Variants in MAP2 observed in about 807,000 individuals in gnomAD.
The protein encoded by MAP2 is microtubule associated protein 2, also known as microtubule-associated protein 2.
In MAP2, 14 loss-of-function variants were observed where a neutral mutation model predicts 137.6. That is an observed-to-expected ratio of 0.10 (90% CI 0.07 to 0.16). The LOEUF (loss-of-function observed/expected upper bound fraction) is 0.16, where lower values mean the gene tolerates loss of function less well. Among genes scored for constraint, MAP2 ranks in the 10% least tolerant of loss-of-function variants. The pLI, the probability that MAP2 is intolerant of heterozygous loss-of-function variation, is 1.00. For synonymous variants in MAP2, 786 were observed against 782.3 expected (o/e 1.00, Z -0.08); for missense variants, 2,088 against 2,191.5 (o/e 0.95, Z 0.94).
chr2:209,499,731 C>T (rs1190254820), intron 1 of MAP2, among the ~76,000 whole-genome samples: 1 of 152,102 alleles, frequency 6.6e-6, no homozygotes, highest in Non-Finnish European at 1.5e-5. Flanking sequence ...GCAGGCACTT[C>T]ACATGGTGAA....
intron 10 of MAP2, among the ~76,000 whole-genome samples, chr2:209,699,193 T>G (rs1328959472): frequency 6.6e-6 from 1 of 152,186 alleles, no homozygotes; most frequent in Non-Finnish European, 1.5e-5. Flanking sequence ...CACTGCTTCC[T>G]TAAAAACAAT....
chr2:209,580,825 A>G lies in MAP2; in HGVS notation c.-107+725A>G, dbSNP rs141798316. Among the ~76,000 whole-genome samples, 781 of 152,320 alleles carry G rather than the reference A, an allele frequency of 5.1e-3. 8 individuals are homozygous for G. The highest frequency in any genetic ancestry group is 0.018 in the African/African-American group (745 of 41,578). ...GGATATATATTGATTTGAGATGGCA[A>G]TTATGGATATTACCTTTTCTTTAAG... On this transcript the variant is annotated intron_variant, in intron 3 of 15. Coordinates refer to ENST00000682079, the MANE Select transcript of MAP2 (RefSeq NM_001375505.1).
intron 3 of MAP2, among the ~76,000 whole-genome samples, chr2:209,598,565 A>G (rs2082033852): frequency 6.7e-6 from 1 of 148,514 alleles, no homozygotes. Flanking sequence ...GTCATCTAGC[A>G]TTAGGTATAT....
At chr2:209,619,457 A>C (rs923194643) in intron 3 of MAP2, among the ~76,000 whole-genome samples, 3 of 152,108 alleles carry the variant, frequency 2.0e-5, no homozygotes, top group Non-Finnish European at 4.4e-5. Flanking sequence ...TGCAACTTAG[A>C]GACAAATGAA....
intron 4 of MAP2, among the ~76,000 whole-genome samples, chr2:209,641,065 T>G (rs1010670100): frequency 6.6e-6 from 1 of 152,064 alleles, no homozygotes; most frequent in African/African-American, 2.4e-5. Flanking sequence ...AAGTACTGAT[T>G]GTTATTTTTA....
intron 1 of MAP2, among the ~76,000 whole-genome samples, chr2:209,490,285 T>C (rs955845086): frequency 6.6e-6 from 1 of 151,948 alleles, no homozygotes; most frequent in Non-Finnish European, 1.5e-5. Context: ...AAGCGCTAAA[T>C]GTAGCAAGGA....
chr2:209,684,702 A>T (rs1273976394), intron 7 of MAP2: 1 of 152,204 alleles, frequency 6.6e-6, no homozygotes, highest in South Asian at 2.1e-4. Context: ...GCAGAAAACT[A>T]TGCAAAAGTC....
In MAP2 at chr2:209,694,837, A is replaced by G. The variant is rs1458250751; in HGVS notation, c.2667A>G (p.Leu889=). The G allele has an allele frequency of 1.9e-6, 3 of 1,614,078 alleles. No individual in the cohort carries two copies. The East Asian group carries it at 6.7e-5, about 36-fold the overall frequency. ...LPSPVQDSEN[L]SGESGTFYEG... Reference sequence around the variant, plus strand: ...CACCTGTTCAAGACAGTGAGAATTTATCAGGGGAGAGTGGTACCTTTTACG... The same window carrying G: ...CACCTGTTCAAGACAGTGAGAATTTGTCAGGGGAGAGTGGTACCTTTTACG... Residue 889 remains leucine (L), a synonymous_variant, in exon 8 of 16, where the codon TTA becomes TTG. Transcript: ENST00000682079.
At chr2:209,484,130 A>T (rs562277464) in intron 1 of MAP2, among the ~76,000 whole-genome samples, 1 of 152,206 alleles carries the variant, frequency 6.6e-6, no homozygotes, top group African/African-American at 2.4e-5. Flanking sequence ...TAAGAACAAT[A>T]TAAAGAAAAT....
chr2:209,635,418 GA>G (rs773911199), intron 4 of MAP2, among the ~76,000 whole-genome samples: 1 of 152,006 alleles, frequency 6.6e-6, no homozygotes, highest in Non-Finnish European at 1.5e-5. Flanking sequence ...AATTATAATA[GA>G]AAAAAACCCT....
At chr2:209,667,323 G>GT (rs992965599) in intron 5 of MAP2, among the ~76,000 whole-genome samples, 14 of 151,708 alleles carry the variant, frequency 9.2e-5, no homozygotes, top group African/African-American at 2.2e-4. Context: ...TACTTTTACA[G>GT]TTTTTTTTAA....
chr2:209,538,080 T>C (rs1019932962), intron 2 of MAP2, among the ~76,000 whole-genome samples: 1 of 152,200 alleles, frequency 6.6e-6, no homozygotes, highest in African/African-American at 2.4e-5. Flanking sequence ...ATTTTGATCA[T>C]ACATGCACAC....
At chr2:209,580,476 A>T (rs1377773765) in intron 3 of MAP2, among the ~76,000 whole-genome samples, 1 of 152,180 alleles carries the variant, frequency 6.6e-6, no homozygotes, top group African/African-American at 2.4e-5. Flanking sequence ...AATCCTGCTA[A>T]GTGATTTATT....
At chr2:209,536,995 TC>T (rs2066053658) in intron 2 of MAP2, among the ~76,000 whole-genome samples, 1 of 152,178 alleles carries the variant, frequency 6.6e-6, no homozygotes. Context: ...AGGATTTTTT[TC>T]TAAGTGGCCC....
chr2:209,509,025 A>G (rs929891201), intron 2 of MAP2, among the ~76,000 whole-genome samples: 1 of 151,982 alleles, frequency 6.6e-6, no homozygotes, highest in Admixed American at 6.6e-5. Flanking sequence ...TGAATCAGTA[A>G]TATTTTCAAT....
chr2:209,730,259 C>G lies in MAP2; in HGVS notation c.5346C>G (p.Ser1782=). The G allele has an allele frequency of 6.2e-7, 1 of 1,614,030 alleles. No individual in the cohort carries two copies. The highest frequency in any genetic ancestry group is 8.5e-7 in the Non-Finnish European group (1 of 1,179,986). ...ATGGGGCTGAGATCATTACACAGTC[C>G]CCAGGCAGATCCAGCGTGGCATCAC... ...VDHGAEIITQ[S]PGRSSVASPR... Residue 1782 remains serine, a synonymous_variant, in exon 16 of 16, where the codon TCC becomes TCG. Transcript: ENST00000682079.
At chr2:209,620,634 G>A (rs1014165341) in intron 3 of MAP2, among the ~76,000 whole-genome samples, 1 of 152,144 alleles carries the variant, frequency 6.6e-6, no homozygotes, top group East Asian at 1.9e-4. Flanking sequence ...TTAGTAGCAT[G>A]TTAGACTAAA....
At chr2:209,690,883 G>A (rs2058659914) in intron 7 of MAP2, 3 of 1,244,842 alleles carry the variant, frequency 2.4e-6, no homozygotes, top group African/African-American at 1.6e-5. Context: ...GTGTTTTGTT[G>A]CAAATGATCT....
At chr2:209,590,685 C>T (rs2079019649) in intron 3 of MAP2, among the ~76,000 whole-genome samples, 1 of 152,104 alleles carries the variant, frequency 6.6e-6, no homozygotes, top group African/African-American at 2.4e-5. Flanking sequence ...TTAGTCATAC[C>T]ATGTTTCAAG....
Sources: gnomAD v4.1 joint callset for allele counts (sites outside exome capture counted in the v4.1 genomes callset) on GRCh38, gnomAD v4.1.1 for gene constraint, MANE v1.5 for transcripts, NCBI Gene and HGNC (gene_info 2026-07-23, HGNC 2026-07-21) for gene names.